LYPD6: variants seen among roughly 807,000 people sequenced by gnomAD.
LYPD6 encodes the protein LY6/PLAUR domain containing 6.
In LYPD6, 15 loss-of-function variants were observed where a neutral mutation model predicts 22.7. That is an observed-to-expected ratio of 0.66 (90% confidence interval 0.44 to 1.02). LYPD6 has a LOEUF of 1.02. LYPD6 is among the 50% of genes least tolerant of loss of function. The pLI, the probability that LYPD6 is intolerant of heterozygous loss-of-function variation, is 0.00. For missense variants in LYPD6, 189 were observed against 208.4 expected, an observed-to-expected ratio of 0.91 and a Z score of 0.57; for synonymous variants, 72 against 77.5, an observed-to-expected ratio of 0.93 and a Z score of 0.37.
the LYPD6 span, among the ~76,000 whole-genome samples, chr2:149,482,672 C>T: frequency 6.6e-6 from 1 of 152,144 alleles, no homozygotes; most frequent in Non-Finnish European, 1.5e-5. Flanking sequence ...CCAAAGAACC[C>T]TGCTGGTTTA....
intron 1 of LYPD6, among the ~76,000 whole-genome samples, chr2:149,387,223 A>C (rs2105094031): frequency 6.6e-6 from 1 of 152,334 alleles, no homozygotes; most frequent in East Asian, 1.9e-4. Context: ...TTTTTTCCAA[A>C]TGAATAGAGC....
intron 1 of LYPD6, among the ~76,000 whole-genome samples, chr2:149,426,916 G>A (rs1683199762): frequency 6.6e-6 from 1 of 152,106 alleles, no homozygotes; most frequent in Admixed American, 6.6e-5. Context: ...TGACAGAGTG[G>A]CCCAAAACAC....
chr2:149,410,867 T>G (rs1179611719), intron 1 of LYPD6, among the ~76,000 whole-genome samples: 2 of 152,242 alleles, frequency 1.3e-5, no homozygotes, highest in Non-Finnish European at 2.9e-5. Context: ...ATGGGTGTAC[T>G]CAAGTTCCAT....
chr2:149,413,537 C>T (rs1283680034), intron 1 of LYPD6, among the ~76,000 whole-genome samples: 4 of 152,180 alleles, frequency 2.6e-5, no homozygotes, highest in Admixed American at 2.0e-4. Context: ...TTCTCCTTTC[C>T]ACCTCATTTC....
intron 1 of LYPD6, among the ~76,000 whole-genome samples, chr2:149,404,258 A>T (rs1181129392): frequency 6.6e-6 from 1 of 152,126 alleles, no homozygotes; most frequent in Non-Finnish European, 1.5e-5. Flanking sequence ...AGTTTTTTCC[A>T]ATTCTGTGAA....
chr2:149,373,802 A>G (rs1218969410), intron 1 of LYPD6, among the ~76,000 whole-genome samples: 3 of 152,224 alleles, frequency 2.0e-5, no homozygotes, highest in Admixed American at 6.5e-5. Context: ...CAAAATATCA[A>G]TCCTTCATGT....
chr2:149,387,530 T>C (rs1271445593), intron 1 of LYPD6, among the ~76,000 whole-genome samples: 1 of 152,194 alleles, frequency 6.6e-6, no homozygotes, highest in East Asian at 1.9e-4. Context: ...TGTTAGATGC[T>C]AGTGATGCAA....
At chr2:149,430,012 C>G (rs1683277143) in intron 1 of LYPD6, among the ~76,000 whole-genome samples, 1 of 152,188 alleles carries the variant, frequency 6.6e-6, no homozygotes, top group African/African-American at 2.4e-5. Flanking sequence ...CTCTGGTCAA[C>G]TAGTTAGTAA....
chr2:149,381,198 G>A (rs1682054269), intron 1 of LYPD6, among the ~76,000 whole-genome samples: 1 of 152,116 alleles, frequency 6.6e-6, no homozygotes, highest in African/African-American at 2.4e-5. Context: ...AGAATAGTCT[G>A]GTACCTTATA....
chr2:149,377,766 C>T lies in LYPD6; in HGVS notation c.-72+47044C>T, dbSNP rs572777161. Among the ~76,000 whole-genome samples, 284 of 146,960 alleles carry T rather than the reference C, an allele frequency of 1.9e-3. 3 individuals are homozygous for T. The highest frequency in any genetic ancestry group is 2.6e-3 in the Non-Finnish European group (170 of 66,622). On this transcript the variant is annotated intron_variant, in intron 1 of 4. Transcript: ENST00000334166. Reference sequence around the variant, plus strand: ...CTGCACTCCAGCCTGGACGACAGAGCGAGACTTTGTCCCCACCCCCCCCCC... The same window carrying T: ...CTGCACTCCAGCCTGGACGACAGAGTGAGACTTTGTCCCCACCCCCCCCCC...
At chr2:149,336,623 T>A (rs1681039091) in intron 1 of LYPD6, among the ~76,000 whole-genome samples, 1 of 152,214 alleles carries the variant, frequency 6.6e-6, no homozygotes, top group Admixed American at 6.5e-5. Flanking sequence ...TTCATCTGTG[T>A]GGAAAGAAAT....
upstream of LYPD6, chr2:149,330,298 C>G (rs1461291549): frequency 6.6e-6 from 1 of 151,924 alleles, no homozygotes; most frequent in African/African-American, 2.4e-5. Flanking sequence ...TCCGCTCACC[C>G]TGCGGGCGGG....
intron 3 of LYPD6, among the ~76,000 whole-genome samples, chr2:149,467,695 AT>A (rs2105181223): frequency 6.6e-6 from 1 of 152,304 alleles, no homozygotes; most frequent in East Asian, 1.9e-4. Context: ...CAAGATGTGG[AT>A]GAAAAACAGC....
intron 1 of LYPD6, among the ~76,000 whole-genome samples, chr2:149,419,222 T>C (rs539856908): frequency 1.2e-4 from 19 of 152,314 alleles, no homozygotes; most frequent in African/African-American, 4.3e-4. Flanking sequence ...TTCCTTTTGA[T>C]CCCCTTTTAC....
chr2:149,407,037 CT>C (rs1172901532), intron 1 of LYPD6, among the ~76,000 whole-genome samples: 1 of 152,058 alleles, frequency 6.6e-6, no homozygotes, highest in Non-Finnish European at 1.5e-5. Flanking sequence ...AAATTCTTTT[CT>C]TTAAGAATGT....
chr2:149,411,953 A>G (rs987906943), intron 1 of LYPD6, among the ~76,000 whole-genome samples: 7 of 152,188 alleles, frequency 4.6e-5, no homozygotes, highest in African/African-American at 1.7e-4. Context: ...TTTTTCTCGT[A>G]ATATAGCATA....
At chr2:149,413,372 T>C (rs1166131950) in intron 1 of LYPD6, among the ~76,000 whole-genome samples, 1 of 152,144 alleles carries the variant, frequency 6.6e-6, no homozygotes, top group Non-Finnish European at 1.5e-5. Flanking sequence ...CCAGCCCAAA[T>C]TTTCTCATGT....
At chr2:149,449,188 C>CCAGG in intron 3 of LYPD6, 41 bp downstream of exon 3, 1 of 1,389,716 alleles carries the variant, frequency 7.2e-7, no homozygotes, top group Non-Finnish European at 1.0e-6. Flanking sequence ...CTGGGCTGTC[C>CCAGG]GTGAGTGAAC....
At chr2:149,459,657 T>A (rs184320179) in intron 3 of LYPD6, among the ~76,000 whole-genome samples, 1 of 152,328 alleles carries the variant, frequency 6.6e-6, no homozygotes, top group Admixed American at 6.5e-5. Context: ...ATCCCAGCAC[T>A]TTGGGAGACC....
Sources: allele counts gnomAD v4.1 joint callset (sites outside exome capture counted in the v4.1 genomes callset), GRCh38; gene constraint gnomAD v4.1.1; transcripts MANE v1.5; gene names NCBI Gene and HGNC (gene_info 2026-07-23, HGNC 2026-07-21).